Variants in ARSB observed in about 807,000 individuals in gnomAD.
ARSB encodes the protein arylsulfatase B, also known as N-acetylgalactosamine-4-sulfatase.
ARSB carries 41 observed loss-of-function variants against 50.9 expected under a neutral mutation model. The ratio of observed to expected loss-of-function variants is 0.81; its 90% CI spans 0.63 to 1.04. The LOEUF (loss-of-function observed/expected upper bound fraction) is 1.04, where lower values mean the gene tolerates loss of function less well. ARSB is among the 50% of genes least tolerant of loss of function. The pLI is 0.00. For synonymous variants in ARSB, 269 were observed against 284.8 expected, an observed-to-expected ratio of 0.94 and a Z score of 0.56; for missense variants, 672 against 693.3, an observed-to-expected ratio of 0.97 and a Z score of 0.35.
At chr5:78,788,391 C>T (rs993146441) in intron 6 of ARSB, among the ~76,000 whole-genome samples, 1 of 152,038 alleles carries the variant, frequency 6.6e-6, no homozygotes, top group Admixed American at 6.6e-5. Context: ...AATGAGGTGG[C>T]CTGGTGGTGG....
chr5:78,893,412 A>G (rs915584197), intron 4 of ARSB, among the ~76,000 whole-genome samples: 1 of 152,254 alleles, frequency 6.6e-6, no homozygotes, highest in Non-Finnish European at 1.5e-5. Context: ...AGGATTAAAA[A>G]GAAAAATGTT....
chr5:78,869,407 T>C (rs891146036), intron 5 of ARSB, among the ~76,000 whole-genome samples: 1 of 136,166 alleles, frequency 7.3e-6, no homozygotes, highest in Admixed American at 7.6e-5. Context: ...GACCACATAG[T>C]TGGAAGTAAA....
chr5:78,908,632 G>A lies in ARSB; in HGVS notation c.899-22805C>T, dbSNP rs1749170894. On this transcript the variant is annotated intron_variant, in intron 4 of 7. Coordinates refer to ENST00000264914, the MANE Select transcript of ARSB (RefSeq NM_000046.5). ...TCTCAGTTAATGGCTTGAGTGTCAG[G>A]GCCACCAGTCTCCCGGGAGCCAGTG... Among the ~76,000 whole-genome samples the A allele has an allele frequency of 3.3e-5, 5 of 152,162 alleles. No homozygotes were observed. In the South Asian group the frequency reaches 1.0e-3, roughly 31 times the overall value.
At chr5:78,974,353 T>G (rs1752580150) in intron 1 of ARSB, among the ~76,000 whole-genome samples, 2 of 151,954 alleles carry the variant, frequency 1.3e-5, no homozygotes, top group Admixed American at 6.6e-5. Flanking sequence ...TAGTGAAGAG[T>G]GCAAATCTCT....
intron 4 of ARSB, among the ~76,000 whole-genome samples, chr5:78,894,303 T>C (rs1003815473): frequency 2.6e-5 from 4 of 152,262 alleles, no homozygotes; most frequent in Non-Finnish European, 5.9e-5. Context: ...AGCTAGCACA[T>C]TCTATCTGGG....
chr5:78,922,108 A>G (rs925156429), intron 4 of ARSB, among the ~76,000 whole-genome samples: 10 of 151,354 alleles, frequency 6.6e-5, no homozygotes, highest in Non-Finnish European at 1.0e-4. Context: ...GTGCTCTGGG[A>G]TTCTAAATAA....
intron 5 of ARSB, among the ~76,000 whole-genome samples, chr5:78,862,129 T>A (rs893096925): frequency 3.9e-5 from 6 of 152,082 alleles, no homozygotes; most frequent in Admixed American, 3.9e-4. Flanking sequence ...CACAAACAAA[T>A]GGGAGAACAT....
chr5:78,919,858 T>C (rs1407799330), intron 4 of ARSB, among the ~76,000 whole-genome samples: 2 of 152,140 alleles, frequency 1.3e-5, no homozygotes, highest in Non-Finnish European at 2.9e-5. Flanking sequence ...CTAAAAGAAC[T>C]GCAGAGATTT....
At chr5:78,881,104 T>C (rs973495734) in intron 5 of ARSB, among the ~76,000 whole-genome samples, 27 of 152,184 alleles carry the variant, frequency 1.8e-4, no homozygotes, top group African/African-American at 6.3e-4. Flanking sequence ...TGTTGATGCA[T>C]ACCTGTAATT....
chr5:78,819,173 G>C (rs960708877), intron 6 of ARSB, among the ~76,000 whole-genome samples: 1 of 152,200 alleles, frequency 6.6e-6, no homozygotes, highest in Admixed American at 6.5e-5. Flanking sequence ...CTCCCCACAG[G>C]AGTAAGGAAG....
chr5:78,830,966 C>G (rs1225805402), intron 6 of ARSB, among the ~76,000 whole-genome samples: 1 of 152,168 alleles, frequency 6.6e-6, no homozygotes, highest in Non-Finnish European at 1.5e-5. Context: ...TACCGGAACC[C>G]TCCTTGGAGG....
chr5:78,777,456 A>G lies in ARSB; in HGVS notation c.*2941T>C, dbSNP rs988166925. ...AATGGAAGCCCCATACATATGGCTG[A>G]CACATTTTAAAAGATTAATTTTATT... On this transcript the variant is annotated 3_prime_UTR_variant, in exon 8 of 8. Coordinates refer to ENST00000264914, the MANE Select transcript of ARSB (RefSeq NM_000046.5). 1 of 152,604 alleles carries G rather than the reference A, an allele frequency of 6.6e-6. No homozygotes were observed. The highest frequency in any genetic ancestry group is 2.4e-5 in the African/African-American group (1 of 41,420). 9.5% of individuals were successfully genotyped at this position (152,604 alleles called of 1,614,324 possible).
intron 5 of ARSB, among the ~76,000 whole-genome samples, chr5:78,848,079 T>C (rs1039370814): frequency 6.0e-4 from 90 of 151,060 alleles, no homozygotes; most frequent in African/African-American, 2.1e-3. Context: ...TATTTTATTA[T>C]TATTATACTT....
At chr5:78,825,738 A>T (rs1744408161) in intron 6 of ARSB, among the ~76,000 whole-genome samples, 1 of 152,202 alleles carries the variant, frequency 6.6e-6, no homozygotes, top group Admixed American at 6.5e-5. Context: ...AAAGTCAGCT[A>T]TAAGCACTGA....
In ARSB at chr5:78,874,339, A is replaced by G. The variant is rs868268669; in HGVS notation, c.1142+11245T>C. ...GTGGATAAAGAGAGAACAGTATTAC[A>G]TATTACATGCTCTGATACAGTAGGA... On this transcript the variant is annotated intron_variant, in intron 5 of 7. Transcript: ENST00000264914. Among the ~76,000 whole-genome samples, 8 of 152,344 alleles carry G rather than the reference A, an allele frequency of 5.3e-5. No individual in the cohort carries two copies. The Middle Eastern group carries it at 0.017, about 324-fold the overall frequency.
chr5:78,977,564 A>G (rs1752722427), intron 1 of ARSB, among the ~76,000 whole-genome samples: 1 of 152,222 alleles, frequency 6.6e-6, no homozygotes, highest in Non-Finnish European at 1.5e-5. Flanking sequence ...CTTGCTGCTC[A>G]GTAAACATTT....
chr5:78,819,532 C>T (rs942282822), intron 6 of ARSB, among the ~76,000 whole-genome samples: 1 of 152,216 alleles, frequency 6.6e-6, no homozygotes, highest in Non-Finnish European at 1.5e-5. Flanking sequence ...TTCCCACTGT[C>T]CTCTAAAATC....
At chr5:78,984,455 G>A (rs1053420333) in intron 1 of ARSB, among the ~76,000 whole-genome samples, 4 of 152,098 alleles carry the variant, frequency 2.6e-5, no homozygotes, top group African/African-American at 9.7e-5. Flanking sequence ...TGAGAACCTG[G>A]AAAAAAATAA....
chr5:78,896,728 C>A (rs1209307357), intron 4 of ARSB, among the ~76,000 whole-genome samples: 1 of 152,112 alleles, frequency 6.6e-6, no homozygotes, highest in Non-Finnish European at 1.5e-5. Flanking sequence ...AGGAAAAGTA[C>A]TGAAATCAGA....
Sources: allele counts gnomAD v4.1 joint callset (sites outside exome capture counted in the v4.1 genomes callset), GRCh38; gene constraint gnomAD v4.1.1; transcripts MANE v1.5; gene names NCBI Gene and HGNC (gene_info 2026-07-23, HGNC 2026-07-21).